TRIM24: variants seen among roughly 807,000 people sequenced by gnomAD.
The protein encoded by TRIM24 is tripartite motif containing 24.
Under a neutral mutation model 123.9 loss-of-function variants are expected in TRIM24, and 29 were observed. That is an observed-to-expected ratio of 0.23 (90% CI 0.17 to 0.32). The LOEUF is 0.32. Among genes scored for constraint, TRIM24 ranks in the 10% least tolerant of loss-of-function variants. The pLI, the probability that TRIM24 is intolerant of heterozygous loss-of-function variation, is 1.00. For missense variants in TRIM24, 932 were observed against 1,295.3 expected, an observed-to-expected ratio of 0.72 and a Z score of 4.31; for synonymous variants, 456 against 461.1, an observed-to-expected ratio of 0.99 and a Z score of 0.14.
intron 7 of TRIM24, among the ~76,000 whole-genome samples, chr7:138,539,949 C>T (rs1283345667): frequency 2.6e-5 from 4 of 151,898 alleles, no homozygotes; most frequent in Non-Finnish European, 2.9e-5. Flanking sequence ...TACAGGCGTC[C>T]GCCACCAGGC....
At chr7:138,521,887 G>C (rs1796510123) in intron 4 of TRIM24, among the ~76,000 whole-genome samples, 1 of 152,060 alleles carries the variant, frequency 6.6e-6, no homozygotes, top group Non-Finnish European at 1.5e-5. Flanking sequence ...ATTTATACAG[G>C]TTATAAACTT....
At chr7:138,568,894 T>C (rs544615602) in intron 10 of TRIM24, among the ~76,000 whole-genome samples, 6 of 152,342 alleles carry the variant, frequency 3.9e-5, no homozygotes, top group Middle Eastern at 3.4e-3. Flanking sequence ...AAAATCATTT[T>C]AATATTTTAT....
intron 7 of TRIM24, chr7:138,545,342 G>A: frequency 2.2e-6 from 1 of 446,018 alleles, no homozygotes; most frequent in Non-Finnish European, 4.5e-6. Context: ...GTGAAGTGGT[G>A]AGGGAGGAAT....
At chr7:138,550,564 GTGA>G in intron 7 of TRIM24, among the ~76,000 whole-genome samples, 1 of 152,188 alleles carries the variant, frequency 6.6e-6, no homozygotes, top group South Asian at 2.1e-4. Context: ...ATGGTGTGGT[GTGA>G]TGATATGAGA....
At position 138,585,707 on chromosome 7, in the gene TRIM24, A is replaced by G; in HGVS notation, c.*756A>G. The G allele has an allele frequency of 2.3e-6, 1 of 434,062 alleles. No individual in the cohort carries two copies. Among genetic ancestry groups the G allele is most frequent in the Middle Eastern group, 3.4e-4 (1 of 2,944 alleles). 26.9% of individuals were successfully genotyped at this position (434,062 alleles called of 1,614,324 possible). A position where few individuals can be genotyped will look rare whatever the true frequency, so the allele number is the denominator to read the frequency against. ...ATTTTCAACTTCTTCCACTGAGGGA[A>G]GTATATACATTTGGGTTTGCTGTGT... is the stretch of plus-strand genomic sequence containing the variant. On this transcript the variant is annotated 3_prime_UTR_variant, in exon 19 of 19. Coordinates refer to ENST00000343526, the MANE Select transcript of TRIM24 (RefSeq NM_015905.3).
chr7:138,553,071 G>C (rs1797244357), intron 8 of TRIM24, among the ~76,000 whole-genome samples: 2 of 152,174 alleles, frequency 1.3e-5, no homozygotes, highest in African/African-American at 4.8e-5. Flanking sequence ...GATAAATCTA[G>C]TTTAGCCAAA....
chr7:138,482,413 A>G (rs908444447), intron 1 of TRIM24, among the ~76,000 whole-genome samples: 15 of 152,224 alleles, frequency 9.9e-5, no homozygotes, highest in African/African-American at 3.6e-4. Context: ...TATTGGGATT[A>G]TGAGAAATTG....
At chr7:138,478,322 A>T (rs1795447851) in intron 1 of TRIM24, among the ~76,000 whole-genome samples, 1 of 152,160 alleles carries the variant, frequency 6.6e-6, no homozygotes, top group Non-Finnish European at 1.5e-5. Flanking sequence ...ACTGAGAAGT[A>T]TATTGATTAA....
Position 138,565,587 on chromosome 7 carries a change from G to A in TRIM24, c.1531-1894G>A, listed in dbSNP as rs185378426. 3.9e-4 allele frequency among the ~76,000 whole-genome samples: 59 copies of A among 152,272 alleles called. No individual in the cohort carries two copies. The South Asian group carries it at 4.1e-3, about 11-fold the overall frequency. ...CAGTAAACCTTTCGTCTCCAATCCC[G>A]GGCGAGCCCCCAGAAAATGTTTCAG... On this transcript the variant is annotated intron_variant, in intron 9 of 18. Transcript: ENST00000343526.
In TRIM24 at chr7:138,477,271, G is replaced by A. The variant is rs140316836; in HGVS notation, c.364+16359G>A. Reference sequence around the variant, plus strand: ...GGAGGCAGAGGTTGCAGTGAGCGGAGATCAGGCCACTGCACTCCAGCCTGG... The same window carrying A: ...GGAGGCAGAGGTTGCAGTGAGCGGAAATCAGGCCACTGCACTCCAGCCTGG... On this transcript the variant is annotated intron_variant, in intron 1 of 18. Transcript: ENST00000343526. Among the ~76,000 whole-genome samples the A allele has an allele frequency of 5.4e-3, 816 of 152,298 alleles. 8 individuals carry two copies. Among genetic ancestry groups the A allele is most frequent in the Middle Eastern group, 0.01 (3 of 294 alleles).
chr7:138,487,985 C>T (rs1187609048), intron 1 of TRIM24, among the ~76,000 whole-genome samples: 5 of 151,734 alleles, frequency 3.3e-5, no homozygotes, highest in African/African-American at 1.2e-4. Flanking sequence ...GACTTTTTTT[C>T]GTTGGTAGGC....
intron 1 of TRIM24, among the ~76,000 whole-genome samples, chr7:138,496,216 C>T (rs919783614): frequency 6.6e-6 from 1 of 152,138 alleles, no homozygotes; most frequent in Non-Finnish European, 1.5e-5. Flanking sequence ...GTTGAGTCTA[C>T]CAATCTAATA....
chr7:138,536,036 G>T (rs943422482), intron 6 of TRIM24, among the ~76,000 whole-genome samples: 2 of 152,098 alleles, frequency 1.3e-5, no homozygotes, highest in African/African-American at 4.8e-5. Context: ...CATTCGTCAC[G>T]TACTTCTTGT....
In TRIM24 at chr7:138,463,043, G is replaced by GTTTTTTTTTTT. The variant is rs57719141; in HGVS notation, c.364+2147_364+2157dup. Among the ~76,000 whole-genome samples, 106 of 60,136 alleles carry GTTTTTTTTTTT rather than the reference G, an allele frequency of 1.8e-3. 11 individuals are homozygous for GTTTTTTTTTTT. Among genetic ancestry groups the GTTTTTTTTTTT allele is most frequent in the Admixed American group, 4.0e-3 (16 of 4,008 alleles). 39.5% of individuals were successfully genotyped at this position (60,136 alleles called of 152,430 possible). A position where few individuals can be genotyped will look rare whatever the true frequency, so the allele number is the denominator to read the frequency against. On this transcript the variant is annotated intron_variant, in intron 1 of 18. Transcript: ENST00000343526. ...CGCCACCACGTCCGGCTAATTTTGT[G>GTTTTTTTTTTT]TTTTTTTTTTTTTTTTTTTTTTTTT...
chr7:138,564,065 T>G (rs1797482746), intron 9 of TRIM24, among the ~76,000 whole-genome samples: 2 of 152,346 alleles, frequency 1.3e-5, no homozygotes, highest in South Asian at 4.1e-4. Context: ...CGTAGGATTG[T>G]GTGTCTGGAA....
intron 6 of TRIM24, among the ~76,000 whole-genome samples, chr7:138,531,904 G>A (rs573951266): frequency 6.6e-6 from 1 of 152,146 alleles, no homozygotes; most frequent in African/African-American, 2.4e-5. Flanking sequence ...TTTAATGATG[G>A]CCATTCTAAC....
chr7:138,467,249 CA>C (rs1308528561), intron 1 of TRIM24, among the ~76,000 whole-genome samples: 1 of 152,160 alleles, frequency 6.6e-6, no homozygotes, highest in African/African-American at 2.4e-5. Flanking sequence ...ATCAGCTTTT[CA>C]GTTTCTACAC....
intron 1 of TRIM24, among the ~76,000 whole-genome samples, chr7:138,477,399 GA>G (rs1795427949): frequency 6.6e-6 from 1 of 152,126 alleles, no homozygotes; most frequent in African/African-American, 2.4e-5. Flanking sequence ...AATTAGAGAA[GA>G]AAATTAGACC....
At chr7:138,508,690 T>TGTGTGCGC (rs1796207332) in intron 2 of TRIM24, among the ~76,000 whole-genome samples, 1 of 106,094 alleles carries the variant, frequency 9.4e-6, no homozygotes, top group Admixed American at 9.8e-5. Flanking sequence ...TGTGTGTGTG[T>TGTGTGCGC]GTGCGCGCGC....
Sources: gnomAD v4.1 joint callset for allele counts (sites outside exome capture counted in the v4.1 genomes callset) on GRCh38, gnomAD v4.1.1 for gene constraint, MANE v1.5 for transcripts, NCBI Gene and HGNC (gene_info 2026-07-23, HGNC 2026-07-21) for gene names.